Variants in CDH22 observed in about 807,000 individuals in gnomAD.
The protein encoded by CDH22 is cadherin 22, also known as cadherin-22.
Under a neutral mutation model 58.4 loss-of-function variants are expected in CDH22, and 30 were observed. The observed-to-expected ratio is 0.51, with a 90% CI of 0.38 to 0.70. The LOEUF is 0.70. Ranked by LOEUF, CDH22 falls within the 30% of genes least tolerant of loss-of-function variation. The probability of loss-of-function intolerance (pLI) is 0.00; values close to 1 mark genes in which losing one functional copy is unlikely to be tolerated. For synonymous variants in CDH22, 513 were observed against 558.2 expected, an observed-to-expected ratio of 0.92 and a Z score of 1.14; for missense variants, 1,014 against 1,233.9, an observed-to-expected ratio of 0.82 and a Z score of 2.67.
intron 4 of CDH22, among the ~76,000 whole-genome samples, chr20:46,223,004 C>A (rs577158628): frequency 6.6e-6 from 1 of 152,384 alleles, no homozygotes; most frequent in East Asian, 1.9e-4. Context: ...GGCACCAGGG[C>A]AGCTCTTGCC....
At chr20:46,253,349 C>T (rs184414227) in intron 1 of CDH22, among the ~76,000 whole-genome samples, 104 of 152,064 alleles carry the variant, frequency 6.8e-4, no homozygotes, top group African/African-American at 2.2e-3. Flanking sequence ...GTGAGGGTGA[C>T]GGTGAAGGGG....
At chr20:46,194,416 C>T (rs1338528972) in intron 8 of CDH22, among the ~76,000 whole-genome samples, 1 of 152,258 alleles carries the variant, frequency 6.6e-6, no homozygotes, top group African/African-American at 2.4e-5. Context: ...CTCTATGGTC[C>T]TTCTGAGAGG....
At chr20:46,200,850 G>C (rs973225833) in intron 7 of CDH22, among the ~76,000 whole-genome samples, 32 of 152,176 alleles carry the variant, frequency 2.1e-4, no homozygotes, top group Non-Finnish European at 4.1e-4. Context: ...TGTGGCATTA[G>C]GAGGCTTCTC....
chr20:46,299,373 C>A (rs1030575195), intron 1 of CDH22, among the ~76,000 whole-genome samples: 10 of 152,238 alleles, frequency 6.6e-5, no homozygotes, highest in Non-Finnish European at 1.3e-4. Context: ...CAGAGTCAAG[C>A]GCATCACTTC....
chr20:46,181,716 T>TCCTTCCTTCCTTCC (rs2085786394), intron 10 of CDH22, among the ~76,000 whole-genome samples: 3 of 44,336 alleles, frequency 6.8e-5, no homozygotes, highest in Non-Finnish European at 1.3e-4. Context: ...TCTTTCTTTT[T>TCCTTCCTTCCTTCC]TTCCTTCCTT....
At position 46,174,104 on chromosome 20, in the gene CDH22, C is replaced by T. The variant is rs6074057; in HGVS notation, c.*402G>A. On this transcript the variant is annotated 3_prime_UTR_variant, in exon 12 of 12. Coordinates refer to ENST00000537909, the MANE Select transcript of CDH22 (RefSeq NM_021248.3). This position sits in a 1 kb window ranked among gnomAD's most constrained non-coding sequence, Gnocchi z 4.4. ...AGTAGGTGCTTAGTAAGTGAACAGCCTTCTTTCCTCTTAACTCTGATGGGG... is the reference window on the plus strand; with the variant it reads ...AGTAGGTGCTTAGTAAGTGAACAGCTTTCTTTCCTCTTAACTCTGATGGGG... 13 of 236,194 alleles carry T rather than the reference C, an allele frequency of 5.5e-5. No individual in the cohort carries two copies. Among genetic ancestry groups the T allele is most frequent in the Non-Finnish European group, 8.9e-5 (11 of 123,834 alleles). 14.6% of individuals were successfully genotyped at this position (236,194 alleles called of 1,614,324 possible).
intron 1 of CDH22, among the ~76,000 whole-genome samples, chr20:46,279,551 C>T (rs190519505): frequency 1.4e-3 from 216 of 152,208 alleles, no homozygotes; most frequent in Middle Eastern, 0.014. Context: ...AGTATGAATC[C>T]ATTTACATTA....
At chr20:46,204,169 A>C (rs1372238985) in intron 7 of CDH22, among the ~76,000 whole-genome samples, 1 of 151,820 alleles carries the variant, frequency 6.6e-6, no homozygotes, top group African/African-American at 2.4e-5. Flanking sequence ...CTGAGGCGGG[A>C]GGATCACGAG....
At chr20:46,196,987 G>T (rs187715053) in intron 8 of CDH22, among the ~76,000 whole-genome samples, 57 of 152,130 alleles carry the variant, frequency 3.7e-4, no homozygotes, top group Non-Finnish European at 8.1e-4. Flanking sequence ...GAGAAGGGGG[G>T]TCTCGAGCCC....
intron 1 of CDH22, among the ~76,000 whole-genome samples, chr20:46,276,664 G>A (rs2086518849): frequency 6.6e-6 from 1 of 152,256 alleles, no homozygotes; most frequent in Non-Finnish European, 1.5e-5. Context: ...CATAAGTGGT[G>A]TATCCAGCAT....
At chr20:46,199,911 C>T (rs868575756) in intron 7 of CDH22, among the ~76,000 whole-genome samples, 3 of 149,468 alleles carry the variant, frequency 2.0e-5, no homozygotes, top group Non-Finnish European at 3.0e-5. Flanking sequence ...TTCTTTTCTT[C>T]TTTCTTTCTT....
At chr20:46,192,955 C>G (rs1467579909) in intron 8 of CDH22, among the ~76,000 whole-genome samples, 2 of 152,118 alleles carry the variant, frequency 1.3e-5, no homozygotes, top group Admixed American at 6.5e-5. Flanking sequence ...GTGCCCTTCT[C>G]TGTCCCTTGA....
chr20:46,192,443 G>A (rs1451693453), intron 8 of CDH22, among the ~76,000 whole-genome samples: 3 of 152,120 alleles, frequency 2.0e-5, no homozygotes, highest in African/African-American at 7.2e-5. Context: ...TCTTGACCAA[G>A]GTTTTCTCAT....
chr20:46,290,354 G>A (rs1260861358), intron 1 of CDH22, among the ~76,000 whole-genome samples: 3 of 152,172 alleles, frequency 2.0e-5, no homozygotes, highest in African/African-American at 4.8e-5. Context: ...TGGGTGGGAG[G>A]GTGCTGCTGG....
At chr20:46,190,222 G>A (rs182050855) in intron 8 of CDH22, among the ~76,000 whole-genome samples, 9 of 152,282 alleles carry the variant, frequency 5.9e-5, no homozygotes, top group African/African-American at 1.9e-4. Flanking sequence ...TTATGACCTC[G>A]TGTCATCCTT....
intron 1 of CDH22, among the ~76,000 whole-genome samples, chr20:46,258,586 G>C (rs913800658): frequency 6.6e-6 from 1 of 152,210 alleles, no homozygotes; most frequent in Non-Finnish European, 1.5e-5. Flanking sequence ...AGGCTCCTGT[G>C]ACCTGGCAGA....
intron 2 of CDH22, among the ~76,000 whole-genome samples, chr20:46,246,955 C>T (rs570309374): frequency 1.8e-4 from 25 of 141,158 alleles, no homozygotes; most frequent in African/African-American, 6.2e-4. Context: ...CTCGTACATA[C>T]GAGGGACTCA....
intron 4 of CDH22, among the ~76,000 whole-genome samples, chr20:46,223,386 A>C (rs1424156274): frequency 6.6e-6 from 1 of 151,964 alleles, no homozygotes; most frequent in Non-Finnish European, 1.5e-5. Flanking sequence ...CATCTCCCCA[A>C]GGCTTATCAA....
Position 46,174,748 on chromosome 20 carries a change from C to T in CDH22, c.2245G>A (p.Asp749Asn). The change falls in exon 12 of 12, where the codon GAC (aspartate) becomes AAC (asparagine). Residue 749 changes from aspartate (D) to asparagine (N), a missense_variant. Coordinates refer to ENST00000537909, the MANE Select transcript of CDH22 (RefSeq NM_021248.3). The surrounding 1 kb of genome is among the most constrained non-coding windows in gnomAD (Gnocchi z 4.4). Reference sequence around the variant, plus strand: ...AGTGCCACCTTGCGGCTGATGAAGTCCCTGAACACTGAGAAGTCTGGCTCG... The same window carrying T: ...AGTGCCACCTTGCGGCTGATGAAGTTCCTGAACACTGAGAAGTCTGGCTCG... ...SPEPDFSVFR[D>N]FISRKVALAD... 1.3e-6 allele frequency: 2 copies of T among 1,548,764 alleles called. No homozygotes were observed. The highest frequency in any genetic ancestry group is 1.7e-6 in the Non-Finnish European group (2 of 1,155,024).
Sources: gnomAD v4.1 joint callset for allele counts (sites outside exome capture counted in the v4.1 genomes callset) on GRCh38, gnomAD v4.1.1 for gene constraint, Gnocchi (gnomAD v3.1) non-coding constraint, MANE v1.5 for transcripts, NCBI Gene and HGNC (gene_info 2026-07-23, HGNC 2026-07-21) for gene names.